Variants in NDUFA12 observed in about 807,000 individuals in gnomAD.
The protein encoded by NDUFA12 is NADH:ubiquinone oxidoreductase subunit A12, also known as NADH dehydrogenase [ubiquinone] 1 alpha subcomplex subunit 12.
NDUFA12 carries 17 observed loss-of-function variants against 20.3 expected under a neutral mutation model. The ratio of observed to expected loss-of-function variants is 0.84; its 90% CI spans 0.57 to 1.26. NDUFA12 has a LOEUF of 1.26. NDUFA12 is among the 50% of genes most tolerant of loss of function. NDUFA12 has a pLI of 0.00. For synonymous variants in NDUFA12, 72 were observed against 63.6 expected (o/e 1.13, Z -0.63); for missense variants, 191 against 183.7 (o/e 1.04, Z -0.23).
At chr12:94,982,270 CTTTTCTTT>C (rs1874267315) in intron 3 of NDUFA12, among the ~76,000 whole-genome samples, 1 of 94,954 alleles carries the variant, frequency 1.1e-5, no homozygotes, top group African/African-American at 4.3e-5. Flanking sequence ...TTTTCTTTTT[CTTTTCTTT>C]TTTTTTTTTT....
intron 3 of NDUFA12, among the ~76,000 whole-genome samples, chr12:94,974,119 A>G (rs1873983805): frequency 1.3e-5 from 2 of 151,846 alleles, no homozygotes; most frequent in African/African-American, 2.4e-5. Context: ...TTACAGGCGC[A>G]TGCCATCATG....
At position 94,992,988 on chromosome 12, in the gene NDUFA12, G is replaced by C. The variant is rs151082716; in HGVS notation, c.257+1182C>G. Reference sequence around the variant, plus strand: ...AATGTAAATAGGACAGATACTTTCAGAAGAACACCACTGACTGCTTTATAG... The same window carrying C: ...AATGTAAATAGGACAGATACTTTCACAAGAACACCACTGACTGCTTTATAG... On this transcript the variant is annotated intron_variant, in intron 3 of 3. Coordinates refer to ENST00000327772, the MANE Select transcript of NDUFA12 (RefSeq NM_018838.5). Among the ~76,000 whole-genome samples, 959 of 152,306 alleles carry C rather than the reference G, an allele frequency of 6.3e-3. 8 individuals carry two copies. Among genetic ancestry groups the C allele is most frequent in the Non-Finnish European group, 0.01 (704 of 68,018 alleles).
intron 2 of NDUFA12, among the ~76,000 whole-genome samples, chr12:94,999,892 A>G (rs1443654916): frequency 6.6e-6 from 1 of 152,242 alleles, no homozygotes; most frequent in African/African-American, 2.4e-5. Flanking sequence ...GTGAACTAGT[A>G]CAACAACTAT....
At chr12:94,993,094 C>T (rs1326806429) in intron 3 of NDUFA12, among the ~76,000 whole-genome samples, 1 of 152,130 alleles carries the variant, frequency 6.6e-6, no homozygotes, top group African/African-American at 2.4e-5. Context: ...CATGGTGGCT[C>T]GTGCTTATAA....
At chr12:94,992,745 G>A (rs1345997407) in intron 3 of NDUFA12, among the ~76,000 whole-genome samples, 1 of 152,188 alleles carries the variant, frequency 6.6e-6, no homozygotes, top group Non-Finnish European at 1.5e-5. Flanking sequence ...CTGACAGCCA[G>A]CAATAAATGC....
intron 3 of NDUFA12, among the ~76,000 whole-genome samples, chr12:94,974,846 G>A (rs943051213): frequency 6.6e-6 from 1 of 152,108 alleles, no homozygotes; most frequent in Non-Finnish European, 1.5e-5. Flanking sequence ...ACCAGAGGCT[G>A]GGAAGGGTAG....
intron 3 of NDUFA12, among the ~76,000 whole-genome samples, chr12:94,974,388 C>T (rs905443551): frequency 1.3e-5 from 2 of 152,032 alleles, no homozygotes; most frequent in African/African-American, 4.8e-5. Context: ...CCCTCAAACA[C>T]GTTGGTGGGA....
chr12:94,976,334 A>C (rs76718979), intron 3 of NDUFA12, among the ~76,000 whole-genome samples: 5,360 of 152,228 alleles, frequency 0.035, 130 homozygotes, highest in Middle Eastern at 0.085. Context: ...AAACAAAAGA[A>C]TATATATGCA....
At position 94,974,219 on chromosome 12, in the gene NDUFA12, G is replaced by A. The variant is rs561040671; in HGVS notation, c.258-2599C>T. On this transcript the variant is annotated intron_variant, in intron 3 of 3. Coordinates refer to ENST00000327772, the MANE Select transcript of NDUFA12 (RefSeq NM_018838.5). The stretch of plus-strand genomic sequence containing the variant: ...ACTCCTGGCCTCCAGTGATTTGCCC[G>A]CCTCGGCCTCCCAAAGTGCTGAGAT... 3.3e-5 allele frequency among the ~76,000 whole-genome samples: 5 copies of A among 151,986 alleles called. No individual in the cohort carries two copies. The East Asian group carries it at 5.8e-4, about 18-fold the overall frequency.
At chr12:95,000,189 G>A (rs948162757) in intron 2 of NDUFA12, among the ~76,000 whole-genome samples, 1 of 152,190 alleles carries the variant, frequency 6.6e-6, no homozygotes, top group African/African-American at 2.4e-5. Context: ...CTTGGATGGA[G>A]CTGGAGGCCA....
In NDUFA12 at chr12:94,993,309, C is replaced by T. The variant is rs139341410; in HGVS notation, c.257+861G>A. On this transcript the variant is annotated intron_variant, in intron 3 of 3. Transcript: ENST00000327772. ...TTTGAGGCCAGCCTGGGCAACATGG[C>T]GAAATCGCATTTCTATAAAAAATAC... Among the ~76,000 whole-genome samples the T allele has an allele frequency of 3.4e-3, 270 of 78,502 alleles. 10 individuals are homozygous for T. The highest frequency in any genetic ancestry group is 7.8e-3 in the Middle Eastern group (1 of 128). The allele number at this position is 78,502 out of a possible 152,430, so 51.5% of individuals were successfully genotyped here. A position where few individuals can be genotyped will look rare whatever the true frequency, so the allele number is the denominator to read the frequency against.
At chr12:94,992,134 G>T (rs1473155923) in intron 3 of NDUFA12, among the ~76,000 whole-genome samples, 2 of 152,186 alleles carry the variant, frequency 1.3e-5, no homozygotes, top group African/African-American at 4.8e-5. Context: ...CTGGAAAGGA[G>T]CTCCAGAGTT....
At chr12:94,975,231 G>A (rs1289778189) in intron 3 of NDUFA12, among the ~76,000 whole-genome samples, 1 of 151,890 alleles carries the variant, frequency 6.6e-6, no homozygotes, top group Non-Finnish European at 1.5e-5. Context: ...AGAAACAGGG[G>A]AAAATATTTG....
intron 3 of NDUFA12, 53 bp downstream of exon 3, chr12:94,994,117 C>G: frequency 6.6e-7 from 1 of 1,511,500 alleles, no homozygotes; most frequent in Non-Finnish European, 9.2e-7. Flanking sequence ...GAGTGAGACC[C>G]TGTCTCAAAA....
intron 3 of NDUFA12, among the ~76,000 whole-genome samples, chr12:94,987,302 T>C (rs1466743600): frequency 6.6e-6 from 1 of 152,096 alleles, no homozygotes; most frequent in African/African-American, 2.4e-5. Flanking sequence ...GTCAAGGTCA[T>C]GAAAATCACA....
chr12:94,990,630 T>A (rs2136067650), intron 3 of NDUFA12, among the ~76,000 whole-genome samples: 1 of 152,264 alleles, frequency 6.6e-6, no homozygotes, highest in South Asian at 2.1e-4. Flanking sequence ...GAGGCCTTGT[T>A]ATGTTGCCCA....
chr12:94,998,379 G>A (rs1345994059), intron 2 of NDUFA12, among the ~76,000 whole-genome samples: 1 of 152,144 alleles, frequency 6.6e-6, no homozygotes, highest in Non-Finnish European at 1.5e-5. Flanking sequence ...ACATCATACC[G>A]AATGGGGAAA....
At chr12:94,996,324 T>TATACACACACAC (rs1555201259) in intron 2 of NDUFA12, among the ~76,000 whole-genome samples, 84 of 141,292 alleles carry the variant, frequency 5.9e-4, no homozygotes, top group African/African-American at 1.5e-3. Flanking sequence ...CATATATAGG[T>TATACACACACAC]ACACACACAC....
chr12:94,976,235 T>C (rs1874061813), intron 3 of NDUFA12, among the ~76,000 whole-genome samples: 1 of 152,310 alleles, frequency 6.6e-6, no homozygotes, highest in East Asian at 1.9e-4. Flanking sequence ...TATCCAAATA[T>C]AGTAAGTGAG....
Sources: allele counts gnomAD v4.1 joint callset (sites outside exome capture counted in the v4.1 genomes callset), GRCh38; gene constraint gnomAD v4.1.1; transcripts MANE v1.5; gene names NCBI Gene and HGNC (gene_info 2026-07-23, HGNC 2026-07-21).